DCLK2: variants seen among roughly 807,000 people sequenced by gnomAD.
DCLK2 encodes serine/threonine-protein kinase DCLK2.
In DCLK2, 31 loss-of-function variants were observed where a neutral mutation model predicts 78.4. That is an observed-to-expected ratio of 0.40 (90% CI 0.30 to 0.53). The LOEUF is 0.53. Among genes scored for constraint, DCLK2 ranks in the 20% least tolerant of loss-of-function variants. DCLK2 has a pLI of 0.61. For synonymous variants in DCLK2, 407 were observed against 374.9 expected (o/e 1.09, Z -0.99); for missense variants, 872 against 973.7 (o/e 0.90, Z 1.39).
At chr4:150,123,447 AGC>A (rs1285590197) in intron 2 of DCLK2, among the ~76,000 whole-genome samples, 1 of 152,160 alleles carries the variant, frequency 6.6e-6, no homozygotes, top group Non-Finnish European at 1.5e-5. Flanking sequence ...GTCTTACATG[AGC>A]GCAGTTTCTG....
intron 12 of DCLK2, among the ~76,000 whole-genome samples, chr4:150,244,271 A>G (rs1163186349): frequency 1.3e-5 from 2 of 152,142 alleles, no homozygotes; most frequent in South Asian, 4.2e-4. Context: ...CAGATTCATC[A>G]TTACCGAGAA....
chr4:150,189,213 A>G (rs1229289315), intron 2 of DCLK2, among the ~76,000 whole-genome samples: 1 of 148,508 alleles, frequency 6.7e-6, no homozygotes, highest in Non-Finnish European at 1.5e-5. Flanking sequence ...AAATTATATT[A>G]AACTGCAGTA....
At chr4:150,118,349 T>C (rs1352483577) in intron 2 of DCLK2, among the ~76,000 whole-genome samples, 1 of 152,186 alleles carries the variant, frequency 6.6e-6, no homozygotes, top group African/African-American at 2.4e-5. Context: ...TGCAAAATTA[T>C]ACTTTGAGTA....
chr4:150,081,692 AT>A lies in DCLK2; in HGVS notation c.421+2254del, dbSNP rs796693830. Among the ~76,000 whole-genome samples, 938 of 150,386 alleles carry A rather than the reference AT, an allele frequency of 6.2e-3. 8 individuals are homozygous for A. Among genetic ancestry groups the A allele is most frequent in the African/African-American group, 0.021 (855 of 41,004 alleles). On this transcript the variant is annotated intron_variant, in intron 1 of 15. Coordinates refer to ENST00000296550, the MANE Select transcript of DCLK2 (RefSeq NM_001040260.4). ...TAGTAGAATACTCCATAGCAATGCA[AT>A]TTTTTTTTTAAAGAAAATATAGGTA...
intron 1 of DCLK2, among the ~76,000 whole-genome samples, chr4:150,101,881 G>A (rs1162141726): frequency 6.6e-6 from 1 of 152,120 alleles, no homozygotes; most frequent in Admixed American, 6.5e-5. Flanking sequence ...AAAAGTAGCT[G>A]AGGTATATTT....
intron 15 of DCLK2, chr4:150,253,234 G>C (rs374514139): frequency 3.2e-5 from 17 of 523,814 alleles, no homozygotes; most frequent in Non-Finnish European, 5.3e-5. Context: ...TCATAACTGA[G>C]ACTGTGGGGC....
At chr4:150,247,770 C>A in intron 13 of DCLK2, 71 bp downstream of exon 13, 1 of 1,239,506 alleles carries the variant, frequency 8.1e-7, no homozygotes, top group Non-Finnish European at 1.2e-6. Flanking sequence ...AGGGCTGTAG[C>A]TGCGCTAGGT....
At chr4:150,234,493 CT>C (rs1742329765) in intron 10 of DCLK2, among the ~76,000 whole-genome samples, 1 of 152,228 alleles carries the variant, frequency 6.6e-6, no homozygotes. Context: ...CCTCTACAGC[CT>C]GCTGTGAGCA....
chr4:150,207,388 T>C (rs936028570), intron 5 of DCLK2, among the ~76,000 whole-genome samples: 1 of 152,230 alleles, frequency 6.6e-6, no homozygotes, highest in Admixed American at 6.5e-5. Context: ...TGTCTGGGAA[T>C]TATTTTAATA....
intron 8 of DCLK2, among the ~76,000 whole-genome samples, chr4:150,228,968 G>A (rs1274765908): frequency 1.3e-5 from 2 of 151,978 alleles, no homozygotes; most frequent in Non-Finnish European, 2.9e-5. Context: ...GGAGCTTGCA[G>A]TGAGCCGAGA....
intron 10 of DCLK2, among the ~76,000 whole-genome samples, chr4:150,236,279 G>A (rs1308205404): frequency 6.6e-6 from 1 of 152,174 alleles, no homozygotes; most frequent in African/African-American, 2.4e-5. Context: ...AGTAAGTGCA[G>A]GCTGTAGTCA....
rs570624329 is a variant in DCLK2, at chr4:150,177,038, GCTTAAGGAATT to G, written c.757-16096_757-16086del. 1.6e-4 allele frequency among the ~76,000 whole-genome samples: 24 copies of G among 152,314 alleles called. 1 individual carries two copies. In the South Asian group the frequency reaches 5.0e-3, roughly 32 times the overall value. On this transcript the variant is annotated intron_variant, in intron 2 of 15. Transcript: ENST00000296550. ...GCATACAGTTCATCAGTATTTCCCAGCTTAAGGAATTCTTCAGGGAGGGATTCCTTTTATGC... is the reference window on the plus strand; with the variant it reads ...GCATACAGTTCATCAGTATTTCCCAGCTTCAGGGAGGGATTCCTTTTATGC...
chr4:150,102,865 C>T, intron 2 of DCLK2, 53 bp downstream of exon 2: 1 of 1,488,694 alleles, frequency 6.7e-7, no homozygotes, highest in Non-Finnish European at 9.0e-7. Context: ...CTCCCTGTGC[C>T]ATGGTGGCTA....
chr4:150,107,340 G>C (rs1731330713), intron 2 of DCLK2, among the ~76,000 whole-genome samples: 2 of 147,304 alleles, frequency 1.4e-5, no homozygotes, highest in Admixed American at 6.8e-5. Context: ...ATGCAAGATT[G>C]TTAGAATGTC....
At chr4:150,139,242 C>G (rs1379553677) in intron 2 of DCLK2, among the ~76,000 whole-genome samples, 1 of 152,090 alleles carries the variant, frequency 6.6e-6, no homozygotes, top group Non-Finnish European at 1.5e-5. Context: ...GTGGACCTGC[C>G]ACATGTTGGT....
intron 15 of DCLK2, among the ~76,000 whole-genome samples, chr4:150,254,601 T>TGG (rs1744430374): frequency 6.6e-6 from 1 of 152,198 alleles, no homozygotes; most frequent in Non-Finnish European, 1.5e-5. Flanking sequence ...CCCATGTAGG[T>TGG]GGGAGCATCT....
At chr4:150,091,202 G>C (rs1277531756) in intron 1 of DCLK2, among the ~76,000 whole-genome samples, 1 of 152,104 alleles carries the variant, frequency 6.6e-6, no homozygotes, top group African/African-American at 2.4e-5. Context: ...AATCCACCCG[G>C]TCTCACACAA....
chr4:150,100,264 A>T (rs1730795772), intron 1 of DCLK2, among the ~76,000 whole-genome samples: 1 of 152,224 alleles, frequency 6.6e-6, no homozygotes, highest in Non-Finnish European at 1.5e-5. Context: ...AATGGGAAGG[A>T]ATTAAAATTT....
At chr4:150,226,709 A>G (rs935612954) in intron 8 of DCLK2, among the ~76,000 whole-genome samples, 4 of 152,190 alleles carry the variant, frequency 2.6e-5, no homozygotes, top group Admixed American at 1.3e-4. Context: ...ATGTCATTCT[A>G]TTTTTATAAT....
Sources: allele counts gnomAD v4.1 joint callset (sites outside exome capture counted in the v4.1 genomes callset), GRCh38; gene constraint gnomAD v4.1.1; transcripts MANE v1.5; gene names NCBI Gene and HGNC (gene_info 2026-07-23, HGNC 2026-07-21).